The following DRC11 variants were observed in gnomAD, a reference collection of about 807,000 sequenced individuals.
DRC11 encodes IQ and AAA domain-containing protein 1.
the DRC11 span, among the ~76,000 whole-genome samples, chr2:236,334,673 C>T: frequency 5.9e-5 from 9 of 152,036 alleles, no homozygotes; most frequent in Admixed American, 4.6e-4. This position sits in a 1 kb window ranked among gnomAD's most constrained non-coding sequence, Gnocchi z 7.8. Context: ...GGCTGGCGCT[C>T]GAGATGACGC....
chr2:236,498,792 C>T, the DRC11 span, among the ~76,000 whole-genome samples: 1 of 152,134 alleles, frequency 6.6e-6, no homozygotes, highest in African/African-American at 2.4e-5. Context: ...ATGAGTGTCC[C>T]CGCTTTTCCT....
At chr2:236,357,113 CTATA>C in the DRC11 span, among the ~76,000 whole-genome samples, 77 of 88,496 alleles carry the variant, frequency 8.7e-4, no homozygotes, top group Non-Finnish European at 1.4e-3. Flanking sequence ...TATTATATAT[CTATA>C]TATTATATAT....
At chr2:236,318,336 G>A in the DRC11 span, among the ~76,000 whole-genome samples, 614 of 152,332 alleles carry the variant, frequency 4.0e-3, 4 homozygotes, top group South Asian at 0.01. The surrounding 1 kb of genome is among the most constrained non-coding windows in gnomAD (Gnocchi z 7.0). Context: ...GAGGCCTGAG[G>A]CCCAGGGGTG....
the DRC11 span, among the ~76,000 whole-genome samples, chr2:236,436,933 C>CT: frequency 2.0e-5 from 3 of 151,838 alleles, no homozygotes; most frequent in African/African-American, 7.3e-5. Context: ...CCTATTATAG[C>CT]TTTTTTAAAA....
the DRC11 span, among the ~76,000 whole-genome samples, chr2:236,441,737 G>T: frequency 1.3e-5 from 2 of 152,178 alleles, no homozygotes; most frequent in African/African-American, 4.8e-5. Flanking sequence ...TTTATTGTAC[G>T]TAAGACTATC....
the DRC11 span, among the ~76,000 whole-genome samples, chr2:236,350,750 G>A: frequency 1.3e-5 from 2 of 152,150 alleles, no homozygotes; most frequent in African/African-American, 2.4e-5. This position sits in a 1 kb window ranked among gnomAD's most constrained non-coding sequence, Gnocchi z 5.2. Flanking sequence ...TACCTGATCC[G>A]CTACCATCTT....
the DRC11 span, among the ~76,000 whole-genome samples, chr2:236,315,019 TACTC>T: frequency 6.6e-6 from 1 of 152,236 alleles, no homozygotes; most frequent in Non-Finnish European, 1.5e-5. The surrounding 1 kb of genome is among the most constrained non-coding windows in gnomAD (Gnocchi z 5.1). Context: ...TGGGATGACT[TACTC>T]TATGGATGCA....
At chr2:236,348,629 A>G in the DRC11 span, among the ~76,000 whole-genome samples, 12 of 152,116 alleles carry the variant, frequency 7.9e-5, no homozygotes, top group Non-Finnish European at 1.5e-4. This position sits in a 1 kb window ranked among gnomAD's most constrained non-coding sequence, Gnocchi z 7.4. Flanking sequence ...CACTGGGATC[A>G]CTAGGGGAGC....
the DRC11 span, among the ~76,000 whole-genome samples, chr2:236,377,961 C>T: frequency 6.6e-6 from 1 of 152,140 alleles, no homozygotes; most frequent in Non-Finnish European, 1.5e-5. This position sits in a 1 kb window ranked among gnomAD's most constrained non-coding sequence, Gnocchi z 4.9. Flanking sequence ...TTGTCTTTTC[C>T]TCTTCTTTAT....
the DRC11 span, among the ~76,000 whole-genome samples, chr2:236,321,424 T>G: frequency 6.6e-6 from 1 of 152,220 alleles, no homozygotes; most frequent in Non-Finnish European, 1.5e-5. Context: ...TCTAATGGCG[T>G]GTTACCATTT....
chr2:236,419,049 C>G, the DRC11 span: 25 of 1,412,270 alleles, frequency 1.8e-5, no homozygotes, highest in Non-Finnish European at 2.2e-5. The surrounding 1 kb of genome is among the most constrained non-coding windows in gnomAD (Gnocchi z 4.8). Flanking sequence ...CAAACGGCTG[C>G]ACTCCCAACA....
chr2:236,441,215 G>A, the DRC11 span: 1 of 894,832 alleles, frequency 1.1e-6, no homozygotes, highest in South Asian at 1.4e-5. Context: ...TTAAATGAGT[G>A]ATGGTCATTA....
At chr2:236,486,884 T>C in the DRC11 span, 2 of 1,609,170 alleles carry the variant, frequency 1.2e-6, no homozygotes, top group South Asian at 1.1e-5. The surrounding 1 kb of genome is among the most constrained non-coding windows in gnomAD (Gnocchi z 5.7). Context: ...CTTACGTTGA[T>C]GGAAACGTCG....
chr2:236,441,214 T>A, the DRC11 span: 1 of 894,488 alleles, frequency 1.1e-6, no homozygotes. Flanking sequence ...TTTAAATGAG[T>A]GATGGTCATT....
the DRC11 span, among the ~76,000 whole-genome samples, chr2:236,307,413 C>T: frequency 6.6e-6 from 1 of 152,202 alleles, no homozygotes; most frequent in African/African-American, 2.4e-5. This position sits in a 1 kb window ranked among gnomAD's most constrained non-coding sequence, Gnocchi z 7.0. Context: ...CCTGCAGACC[C>T]CTGTCCCTGA....
chr2:236,343,055 CTG>C, the DRC11 span, among the ~76,000 whole-genome samples: 1 of 152,198 alleles, frequency 6.6e-6, no homozygotes, highest in South Asian at 2.1e-4. The surrounding 1 kb of genome is among the most constrained non-coding windows in gnomAD (Gnocchi z 6.6). Flanking sequence ...GAGGTTCGCT[CTG>C]TGTCAGGAGC....
At chr2:236,443,288 T>C in the DRC11 span, among the ~76,000 whole-genome samples, 1 of 152,122 alleles carries the variant, frequency 6.6e-6, no homozygotes, top group Non-Finnish European at 1.5e-5. The surrounding 1 kb of genome is among the most constrained non-coding windows in gnomAD (Gnocchi z 4.4). Flanking sequence ...ATCACCTTAG[T>C]ATTAAGCCCA....
the DRC11 span, chr2:236,503,530 A>G: frequency 8.7e-7 from 1 of 1,143,108 alleles, no homozygotes; most frequent in Non-Finnish European, 1.3e-6. This position sits in a 1 kb window ranked among gnomAD's most constrained non-coding sequence, Gnocchi z 4.9. Context: ...CCCCAACTGC[A>G]GTCTGTCTGG....
the DRC11 span, chr2:236,338,342 A>C: frequency 1.9e-6 from 3 of 1,613,966 alleles, no homozygotes; most frequent in Middle Eastern, 1.7e-4. Flanking sequence ...CAGGAGTTTC[A>C]GGATTTGGGG....
Sources: gnomAD v4.1 joint callset for allele counts (sites outside exome capture counted in the v4.1 genomes callset) on GRCh38, gnomAD v4.1.1 for gene constraint, Gnocchi (gnomAD v3.1) non-coding constraint, MANE v1.5 for transcripts, NCBI Gene and HGNC (gene_info 2026-07-23, HGNC 2026-07-21) for gene names.